The following GRID2 variants were observed in gnomAD, a reference collection of about 807,000 sequenced individuals.
GRID2 encodes glutamate receptor ionotropic, delta-2.
In GRID2, 33 loss-of-function variants were observed where a neutral mutation model predicts 114.8. The ratio of observed to expected loss-of-function variants is 0.29; its 90% CI spans 0.22 to 0.38. GRID2 has a LOEUF of 0.38. Ranked by LOEUF, GRID2 falls within the 10% of genes least tolerant of loss-of-function variation. The probability of loss-of-function intolerance (pLI) is 1.00; values close to 1 mark genes in which losing one functional copy is unlikely to be tolerated. For missense variants in GRID2, 1,184 were observed against 1,257.7 expected (o/e 0.94, Z 0.89); for synonymous variants, 505 against 449.9 (o/e 1.12, Z -1.55).
chr4:92,988,993 T>C (rs767936534), intron 2 of GRID2, among the ~76,000 whole-genome samples: 327 of 152,106 alleles, frequency 2.1e-3, no homozygotes, highest in Non-Finnish European at 3.9e-3. Context: ...TATATAAAAA[T>C]CCCTGGCCAG....
intron 2 of GRID2, among the ~76,000 whole-genome samples, chr4:92,660,957 C>G (rs1051941703): frequency 6.6e-6 from 1 of 150,836 alleles, no homozygotes; most frequent in Admixed American, 6.6e-5. Flanking sequence ...TTTTGGCTAA[C>G]CTTTTTGGAG....
intron 2 of GRID2, among the ~76,000 whole-genome samples, chr4:93,033,429 AC>A (rs1724625566): frequency 6.6e-6 from 1 of 152,136 alleles, no homozygotes; most frequent in African/African-American, 2.4e-5. Flanking sequence ...GAACAATATG[AC>A]TTTCTTAGCA....
At chr4:92,749,246 C>T (rs1055166283) in intron 2 of GRID2, among the ~76,000 whole-genome samples, 1 of 151,564 alleles carries the variant, frequency 6.6e-6, no homozygotes, top group African/African-American at 2.4e-5. Context: ...TCGTGATCTG[C>T]CCGCCTCCCA....
intron 4 of GRID2, among the ~76,000 whole-genome samples, chr4:93,119,532 CA>C (rs1301639721): frequency 6.6e-6 from 1 of 152,044 alleles, no homozygotes; most frequent in Non-Finnish European, 1.5e-5. Context: ...ATATTGTCTC[CA>C]ATTTACATTT....
At chr4:93,502,708 C>G (rs981925812) in intron 12 of GRID2, among the ~76,000 whole-genome samples, 17 of 104,076 alleles carry the variant, frequency 1.6e-4, no homozygotes, top group African/African-American at 7.1e-4. Flanking sequence ...CTCCTCCACT[C>G]CCCCCCCCCA....
At chr4:92,798,582 C>T (rs1481986631) in intron 2 of GRID2, among the ~76,000 whole-genome samples, 1 of 151,994 alleles carries the variant, frequency 6.6e-6, no homozygotes. Context: ...TAACTTTGGA[C>T]ATTTGGTTAG....
At chr4:93,539,567 C>CT (rs1409495584) in intron 13 of GRID2, among the ~76,000 whole-genome samples, 1 of 152,066 alleles carries the variant, frequency 6.6e-6, no homozygotes, top group Non-Finnish European at 1.5e-5. Context: ...GTATTTCATG[C>CT]TTTTTTTCCT....
intron 2 of GRID2, among the ~76,000 whole-genome samples, chr4:92,797,093 G>T (rs1366692591): frequency 6.6e-6 from 1 of 151,832 alleles, no homozygotes; most frequent in Non-Finnish European, 1.5e-5. Flanking sequence ...GTTTATAGTG[G>T]ATATCAAGTA....
intron 13 of GRID2, among the ~76,000 whole-genome samples, chr4:93,566,061 T>A (rs1347959139): frequency 1.3e-5 from 2 of 152,178 alleles, no homozygotes; most frequent in African/African-American, 4.8e-5. Flanking sequence ...GGGTGATTTA[T>A]CATTTTTCTA....
intron 13 of GRID2, among the ~76,000 whole-genome samples, chr4:93,623,023 C>A (rs887328589): frequency 6.6e-6 from 1 of 152,060 alleles, no homozygotes; most frequent in Non-Finnish European, 1.5e-5. Context: ...CTAATATTGA[C>A]ATTTTTGCAA....
At chr4:93,234,184 C>T (rs1012705637) in intron 7 of GRID2, among the ~76,000 whole-genome samples, 2 of 152,030 alleles carry the variant, frequency 1.3e-5, no homozygotes, top group African/African-American at 2.4e-5. Flanking sequence ...TAAAAACTGT[C>T]ATCCATGCTC....
At chr4:92,826,551 T>A (rs1051311301) in intron 2 of GRID2, among the ~76,000 whole-genome samples, 1 of 152,150 alleles carries the variant, frequency 6.6e-6, no homozygotes, top group Non-Finnish European at 1.5e-5. Context: ...TTTTGTTCCA[T>A]ACTGCATGTC....
intron 2 of GRID2, among the ~76,000 whole-genome samples, chr4:92,888,283 A>C (rs571725747): frequency 1.5e-4 from 23 of 152,312 alleles, no homozygotes; most frequent in Middle Eastern, 3.4e-3. Flanking sequence ...TTAGGGTAGA[A>C]TAAAGGGCTC....
intron 13 of GRID2, among the ~76,000 whole-genome samples, chr4:93,599,990 G>C (rs1342719651): frequency 6.6e-6 from 1 of 152,128 alleles, no homozygotes; most frequent in Non-Finnish European, 1.5e-5. Context: ...ATGCACAGGG[G>C]AGAAACCATG....
At chr4:93,715,099 A>G (rs1728797507) in intron 14 of GRID2, among the ~76,000 whole-genome samples, 1 of 151,900 alleles carries the variant, frequency 6.6e-6, no homozygotes, top group Admixed American at 6.6e-5. Context: ...TCTTGAGTTG[A>G]TTTTTGTATA....
intron 14 of GRID2, among the ~76,000 whole-genome samples, chr4:93,766,559 T>A (rs919481174): frequency 1.3e-5 from 2 of 152,186 alleles, no homozygotes; most frequent in African/African-American, 4.8e-5. Flanking sequence ...CTGACCAATA[T>A]GGTGTGATGC....
chr4:93,330,739 A>G (rs1444999983), intron 8 of GRID2, among the ~76,000 whole-genome samples: 3 of 152,084 alleles, frequency 2.0e-5, no homozygotes, highest in African/African-American at 7.2e-5. Flanking sequence ...ACCTATAGGA[A>G]GGCCATTTAC....
chr4:93,204,365 T>G (rs1392899742), intron 4 of GRID2, among the ~76,000 whole-genome samples: 1 of 152,162 alleles, frequency 6.6e-6, no homozygotes, highest in Non-Finnish European at 1.5e-5. Context: ...ACTTAGTACT[T>G]GCCTATGGTG....
intron 1 of GRID2, among the ~76,000 whole-genome samples, chr4:93,803,865 G>A (rs1356286444): frequency 5.3e-5 from 8 of 152,128 alleles, no homozygotes; most frequent in Non-Finnish European, 4.4e-5. Flanking sequence ...AATTGAAAAA[G>A]CAGACAAAAG....
Sources: allele counts gnomAD v4.1 joint callset (sites outside exome capture counted in the v4.1 genomes callset), GRCh38; gene constraint gnomAD v4.1.1; transcripts MANE v1.5; gene names NCBI Gene and HGNC (gene_info 2026-07-23, HGNC 2026-07-21).